The following CPED1 variants were observed in gnomAD, a reference collection of about 807,000 sequenced individuals.
CPED1 encodes cadherin-like and PC-esterase domain-containing protein 1.
Under a neutral mutation model 128.2 loss-of-function variants are expected in CPED1, and 114 were observed. That is an observed-to-expected ratio of 0.89 (90% CI 0.76 to 1.04). CPED1 has a LOEUF of 1.04. CPED1 is among the 50% of genes least tolerant of loss of function. CPED1 has a pLI of 0.00. For missense variants in CPED1, 1,211 were observed against 1,207.1 expected, an observed-to-expected ratio of 1.00 and a Z score of -0.05; for synonymous variants, 462 against 426.7, an observed-to-expected ratio of 1.08 and a Z score of -1.02.
chr7:121,005,706 T>G (rs1320146084), intron 2 of CPED1, among the ~76,000 whole-genome samples: 2 of 152,270 alleles, frequency 1.3e-5, no homozygotes, highest in African/African-American at 2.4e-5. Context: ...TAAAAAAAAT[T>G]TAAGGGCTTT....
chr7:121,049,434 C>T (rs913676735), intron 4 of CPED1, among the ~76,000 whole-genome samples: 2 of 152,230 alleles, frequency 1.3e-5, no homozygotes, highest in African/African-American at 4.8e-5. Context: ...CCACCTCTCT[C>T]TACTGCTACC....
intron 5 of CPED1, among the ~76,000 whole-genome samples, chr7:121,080,728 CAT>C (rs1182613444): frequency 7.1e-6 from 1 of 141,662 alleles, no homozygotes; most frequent in Non-Finnish European, 1.6e-5. Context: ...CACACACACA[CAT>C]ACATATACCC....
At chr7:121,018,230 C>G (rs1297176705) in intron 3 of CPED1, among the ~76,000 whole-genome samples, 1 of 152,026 alleles carries the variant, frequency 6.6e-6, no homozygotes, top group Non-Finnish European at 1.5e-5. Context: ...GCCTATTTTC[C>G]ATGCCACAAA....
At chr7:121,249,734 A>T (rs1245135443) in intron 18 of CPED1, among the ~76,000 whole-genome samples, 1 of 152,174 alleles carries the variant, frequency 6.6e-6, no homozygotes, top group Admixed American at 6.5e-5. Flanking sequence ...AGGCCATTAC[A>T]TAATGGTAAA....
At chr7:121,039,725 TA>T (rs1792998270) in intron 3 of CPED1, among the ~76,000 whole-genome samples, 1 of 152,050 alleles carries the variant, frequency 6.6e-6, no homozygotes, top group African/African-American at 2.4e-5. Context: ...AACACCTTTT[TA>T]AAAAAATCAT....
At chr7:121,230,503 G>A (rs1306997604) in intron 16 of CPED1, among the ~76,000 whole-genome samples, 2 of 152,076 alleles carry the variant, frequency 1.3e-5, no homozygotes, top group Admixed American at 6.6e-5. Context: ...ATTTGCAGCA[G>A]ATCAAGAACA....
intron 3 of CPED1, among the ~76,000 whole-genome samples, chr7:121,044,499 A>G (rs1218007042): frequency 1.3e-5 from 2 of 151,998 alleles, no homozygotes; most frequent in Non-Finnish European, 2.9e-5. Context: ...TTAATTTAAA[A>G]TATTAATTAA....
rs1284612004 is a variant in CPED1 at position 121,256,139 on chromosome 7, AAAC to A, written c.2311-10085_2311-10083del. Among the ~76,000 whole-genome samples, 251 of 148,858 alleles carry A rather than the reference AAAC, an allele frequency of 1.7e-3. 17 individuals carry two copies. The highest frequency in any genetic ancestry group is 5.5e-3 in the African/African-American group (223 of 40,186). ...AAAAAAAAAACAAAACAAAAAAAAA[AAAC>A]AAAGCTTATGCCAAAGACATAACTA... On this transcript the variant is annotated intron_variant, in intron 18 of 22. Coordinates refer to ENST00000310396, the MANE Select transcript of CPED1 (RefSeq NM_024913.5).
In CPED1 at chr7:121,005,812, A is replaced by C. The variant is rs143542495; in HGVS notation, c.250-9853A>C. Among the ~76,000 whole-genome samples, 1,272 of 152,268 alleles carry C rather than the reference A, an allele frequency of 8.4e-3. 10 individuals carry two copies. The highest frequency in any genetic ancestry group is 0.013 in the Non-Finnish European group (896 of 68,018). On this transcript the variant is annotated intron_variant, in intron 2 of 22. Coordinates refer to ENST00000310396, the MANE Select transcript of CPED1 (RefSeq NM_024913.5). Reference sequence around the variant, plus strand: ...ATATCTTACGCTTGTGTGGGACTCCATATTTTGGAATGCTTTTGTCTAAAC... The same window carrying C: ...ATATCTTACGCTTGTGTGGGACTCCCTATTTTGGAATGCTTTTGTCTAAAC...
chr7:121,089,221 C>T (rs982824700), intron 5 of CPED1, among the ~76,000 whole-genome samples: 3 of 152,084 alleles, frequency 2.0e-5, no homozygotes, highest in Admixed American at 1.3e-4. Context: ...GGAGCTCTAA[C>T]CCTCATTAGA....
At chr7:121,285,668 C>T (rs1792552806) in intron 22 of CPED1, among the ~76,000 whole-genome samples, 1 of 152,204 alleles carries the variant, frequency 6.6e-6, no homozygotes, top group African/African-American at 2.4e-5. Flanking sequence ...ACAAGTTCCT[C>T]ATCTCCCTCT....
chr7:121,133,704 T>A (rs1795723335), intron 12 of CPED1, 119 bp from the exon 13 acceptor site: 1 of 646,918 alleles, frequency 1.5e-6, no homozygotes, highest in Non-Finnish European at 2.6e-6. Context: ...CAGAAAGCGT[T>A]TTTTTGTGTT....
chr7:121,120,982 AAAAAAC>A (rs1297112064), intron 7 of CPED1, among the ~76,000 whole-genome samples: 3 of 150,074 alleles, frequency 2.0e-5, no homozygotes, highest in East Asian at 1.9e-4. Context: ...AAAAAAAAAA[AAAAAAC>A]AAAAAAACTC....
chr7:121,133,326 TTAAC>T (rs1212255894), intron 12 of CPED1, among the ~76,000 whole-genome samples: 1 of 152,072 alleles, frequency 6.6e-6, no homozygotes, highest in Non-Finnish European at 1.5e-5. Flanking sequence ...ACACCAGAAT[TTAAC>T]TAACCCTTGC....
At chr7:121,222,903 C>G (rs1004020058) in intron 16 of CPED1, among the ~76,000 whole-genome samples, 1 of 152,182 alleles carries the variant, frequency 6.6e-6, no homozygotes, top group Non-Finnish European at 1.5e-5. Flanking sequence ...CATCTGCAAA[C>G]AGGGACAATT....
At chr7:121,020,420 T>G (rs1413788788) in intron 3 of CPED1, among the ~76,000 whole-genome samples, 1 of 151,914 alleles carries the variant, frequency 6.6e-6, no homozygotes. Flanking sequence ...AAAGGCAGAG[T>G]TGATTAATTG....
chr7:121,245,870 A>G (rs949496560), intron 18 of CPED1, among the ~76,000 whole-genome samples: 5 of 151,818 alleles, frequency 3.3e-5, no homozygotes, highest in East Asian at 1.9e-4. Flanking sequence ...TTTTGTAATT[A>G]TAGTAGAGAC....
chr7:121,287,654 T>G (rs1459931573), intron 22 of CPED1, among the ~76,000 whole-genome samples: 1 of 152,198 alleles, frequency 6.6e-6, no homozygotes, highest in Non-Finnish European at 1.5e-5. Flanking sequence ...TTTTCCTACA[T>G]TTATCTTTAA....
chr7:121,226,008 G>C (rs13437999), intron 16 of CPED1, among the ~76,000 whole-genome samples: 61,323 of 151,972 alleles, frequency 0.4, 13,323 homozygotes, highest in East Asian at 0.79. Flanking sequence ...TCTCCATCCA[G>C]CTTTGTTCCG....
Sources: gnomAD v4.1 joint callset for allele counts (sites outside exome capture counted in the v4.1 genomes callset) on GRCh38, gnomAD v4.1.1 for gene constraint, MANE v1.5 for transcripts, NCBI Gene and HGNC (gene_info 2026-07-23, HGNC 2026-07-21) for gene names.